Variants in VPS13B observed in about 807,000 individuals in gnomAD.
VPS13B encodes the protein intermembrane lipid transfer protein VPS13B.
A neutral mutation model predicts 426.4 loss-of-function variants in VPS13B; 285 were observed. The observed-to-expected ratio is 0.67, with a 90% CI of 0.61 to 0.74. VPS13B has a LOEUF of 0.74. VPS13B is among the 30% of genes least tolerant of loss of function. The pLI is 0.00. For synonymous variants in VPS13B, 1,676 were observed against 1,676.4 expected, an observed-to-expected ratio of 1.00 and a Z score of 0.01; for missense variants, 4,537 against 4,782.6, an observed-to-expected ratio of 0.95 and a Z score of 1.51.
chr8:99,151,570 G>A (rs532056994), intron 14 of VPS13B, among the ~76,000 whole-genome samples: 1 of 148,852 alleles, frequency 6.7e-6, no homozygotes. Context: ...TTTCACTTTT[G>A]TTGCCCAGGC....
At chr8:99,071,456 AG>A (rs1844848645) in intron 3 of VPS13B, among the ~76,000 whole-genome samples, 2 of 152,190 alleles carry the variant, frequency 1.3e-5, no homozygotes, top group Non-Finnish European at 2.9e-5. Context: ...GAACTGCTTC[AG>A]GCGGGGAAAA....
chr8:99,763,018 G>A (rs910218007), intron 39 of VPS13B, among the ~76,000 whole-genome samples: 1 of 150,912 alleles, frequency 6.6e-6, no homozygotes, highest in African/African-American at 2.4e-5. Flanking sequence ...CGTGCCTGTG[G>A]TCCCAGCTAC....
At chr8:99,871,124 T>C (rs1461370231) in intron 60 of VPS13B, 3 of 602,472 alleles carry the variant, frequency 5.0e-6, no homozygotes, top group Admixed American at 2.9e-5. Flanking sequence ...AGGAAGGTCA[T>C]ACATTGGCAG....
chr8:99,385,109 T>C (rs1814043701), intron 20 of VPS13B, among the ~76,000 whole-genome samples: 1 of 152,248 alleles, frequency 6.6e-6, no homozygotes, highest in African/African-American at 2.4e-5. Context: ...TTTAAAAAGG[T>C]ATAAATTAGA....
intron 19 of VPS13B, among the ~76,000 whole-genome samples, chr8:99,373,190 A>G (rs1334504300): frequency 1.3e-5 from 2 of 152,196 alleles, no homozygotes; most frequent in African/African-American, 4.8e-5. Context: ...GAGAGAAAGC[A>G]TTAGGACAAA....
chr8:99,338,538 G>A (rs1588267935), intron 19 of VPS13B, among the ~76,000 whole-genome samples: 1 of 152,028 alleles, frequency 6.6e-6, no homozygotes, highest in South Asian at 2.1e-4. Context: ...CAGTTTTGAC[G>A]GTATGTGATT....
intron 39 of VPS13B, among the ~76,000 whole-genome samples, chr8:99,742,009 C>A (rs920159894): frequency 1.8e-4 from 28 of 152,118 alleles, no homozygotes; most frequent in African/African-American, 6.3e-4. Context: ...ACACAAAAAA[C>A]CCTTCAGAAA....
At chr8:99,088,886 C>A (rs904387825) in intron 3 of VPS13B, among the ~76,000 whole-genome samples, 11 of 152,096 alleles carry the variant, frequency 7.2e-5, no homozygotes, top group Admixed American at 3.3e-4. Context: ...TGTTACCTTG[C>A]CTTGTTCAAC....
intron 25 of VPS13B, among the ~76,000 whole-genome samples, chr8:99,483,480 T>C (rs1190324522): frequency 6.6e-6 from 1 of 152,204 alleles, no homozygotes; most frequent in East Asian, 1.9e-4. Context: ...TTTCCACACT[T>C]ACTTAACCAA....
chr8:99,427,804 A>T (rs1816811992), intron 21 of VPS13B, among the ~76,000 whole-genome samples: 1 of 151,954 alleles, frequency 6.6e-6, no homozygotes, highest in South Asian at 2.1e-4. Flanking sequence ...TTCATATGGA[A>T]CCAAAAAAGA....
intron 59 of VPS13B, among the ~76,000 whole-genome samples, chr8:99,869,784 C>G (rs558261536): frequency 2.4e-4 from 36 of 152,352 alleles, no homozygotes; most frequent in Admixed American, 4.6e-4. Context: ...TTCCATCACT[C>G]TTGTAAAACT....
At chr8:99,089,162 G>A (rs1014773798) in intron 3 of VPS13B, among the ~76,000 whole-genome samples, 29 of 152,090 alleles carry the variant, frequency 1.9e-4, no homozygotes, top group Non-Finnish European at 2.4e-4. Context: ...TTATGCCTTC[G>A]TTTCTTCATC....
chr8:99,154,148 AG>A (rs1449504814), intron 14 of VPS13B, among the ~76,000 whole-genome samples: 1 of 145,118 alleles, frequency 6.9e-6, no homozygotes, highest in Admixed American at 6.8e-5. Flanking sequence ...GTCTGTATGT[AG>A]GTTTTTTTTG....
chr8:99,143,216 T>C, intron 13 of VPS13B, 51 bp downstream of exon 13: 2 of 1,608,836 alleles, frequency 1.2e-6, no homozygotes, highest in Non-Finnish European at 1.7e-6. Flanking sequence ...TTGAGAATAA[T>C]TATATAATCC....
chr8:99,027,742 TATTTTTTA>T (rs1183494332), intron 2 of VPS13B, among the ~76,000 whole-genome samples: 1 of 151,704 alleles, frequency 6.6e-6, no homozygotes, highest in Non-Finnish European at 1.5e-5. Flanking sequence ...TTTATTTTTT[TATTTTTTA>T]TTTTTATTTT....
intron 21 of VPS13B, among the ~76,000 whole-genome samples, chr8:99,393,339 TTA>T (rs1814545771): frequency 6.6e-6 from 1 of 152,088 alleles, no homozygotes; most frequent in Admixed American, 6.5e-5. Flanking sequence ...TTATTATACT[TTA>T]TGTTTTTATA....
intron 17 of VPS13B, chr8:99,234,054 C>T (rs1305006356): frequency 3.9e-6 from 3 of 775,176 alleles, no homozygotes; most frequent in East Asian, 2.4e-5. Flanking sequence ...GGATCCGCAG[C>T]GGGAAATCAG....
intron 19 of VPS13B, among the ~76,000 whole-genome samples, chr8:99,277,801 G>A (rs897204264): frequency 6.6e-6 from 1 of 152,132 alleles, no homozygotes; most frequent in Admixed American, 6.5e-5. Context: ...TGGGCAGGAC[G>A]TTTTGTCTCT....
At chr8:99,062,966 A>T (rs1206398175) in intron 3 of VPS13B, among the ~76,000 whole-genome samples, 1 of 152,228 alleles carries the variant, frequency 6.6e-6, no homozygotes, top group Non-Finnish European at 1.5e-5. Context: ...GAATATAGTA[A>T]ACATTATGGC....
Sources: gnomAD v4.1 joint callset for allele counts (sites outside exome capture counted in the v4.1 genomes callset) on GRCh38, gnomAD v4.1.1 for gene constraint, MANE v1.5 for transcripts, NCBI Gene and HGNC (gene_info 2026-07-23, HGNC 2026-07-21) for gene names.